The following ATP8B4 variants were observed in gnomAD, a reference collection of about 807,000 sequenced individuals.
ATP8B4 encodes the protein ATPase phospholipid transporting 8B4 (putative), also known as probable phospholipid-transporting ATPase IM.
ATP8B4 carries 133 observed loss-of-function variants against 145.6 expected under a neutral mutation model. The ratio of observed to expected loss-of-function variants is 0.91; its 90% CI spans 0.79 to 1.05. ATP8B4 has a LOEUF of 1.05. ATP8B4 is among the 50% of genes least tolerant of loss of function. The probability of loss-of-function intolerance (pLI) is 0.00; values close to 1 mark genes in which losing one functional copy is unlikely to be tolerated. For synonymous variants in ATP8B4, 507 were observed against 492.9 expected (o/e 1.03, Z -0.38); for missense variants, 1,458 against 1,425.2 (o/e 1.02, Z -0.37).
At chr15:50,101,801 C>T (rs1228732240) in intron 2 of ATP8B4, among the ~76,000 whole-genome samples, 2 of 152,114 alleles carry the variant, frequency 1.3e-5, no homozygotes, top group Non-Finnish European at 2.9e-5. Flanking sequence ...TTCTATTCAT[C>T]AGCACATGGA....
At position 49,924,723 on chromosome 15, in the gene ATP8B4, G is replaced by A. The variant is rs115324292; in HGVS notation, c.1643-1229C>T. 6.1e-3 allele frequency among the ~76,000 whole-genome samples: 929 copies of A among 152,228 alleles called. 11 individuals carry two copies. Among genetic ancestry groups the A allele is most frequent in the African/African-American group, 0.021 (891 of 41,530 alleles). On this transcript the variant is annotated intron_variant, in intron 16 of 27. Coordinates refer to ENST00000284509, the MANE Select transcript of ATP8B4 (RefSeq NM_024837.4). ...CTTTTTAGGACTGGGCCTTGTCTAGGTCTTGTCTTCTGTTTTAAGACCCTT... is the reference window on the plus strand; with the variant it reads ...CTTTTTAGGACTGGGCCTTGTCTAGATCTTGTCTTCTGTTTTAAGACCCTT...
At chr15:50,022,211 C>G (rs953839598) in intron 6 of ATP8B4, among the ~76,000 whole-genome samples, 1 of 152,064 alleles carries the variant, frequency 6.6e-6, no homozygotes, top group Non-Finnish European at 1.5e-5. Flanking sequence ...GACATTTTTA[C>G]TTTTCTGAGT....
At chr15:50,070,626 A>G (rs1337447099) in intron 3 of ATP8B4, among the ~76,000 whole-genome samples, 1 of 152,188 alleles carries the variant, frequency 6.6e-6, no homozygotes, top group Non-Finnish European at 1.5e-5. Flanking sequence ...AATCTGGGAT[A>G]TCTGTGCCCC....
chr15:49,878,212 G>A lies in ATP8B4; in HGVS notation c.2781+1164C>T, dbSNP rs1195385083. Among the ~76,000 whole-genome samples the A allele has an allele frequency of 2.6e-5, 4 of 152,126 alleles. No homozygotes were observed. The East Asian group carries it at 7.7e-4, about 29-fold the overall frequency. ...ATTCCACATTCTGGGCAGCTACAAA[G>A]CTCCAAGAAAAGAAACACTTGTAAA... On this transcript the variant is annotated intron_variant, in intron 24 of 27. Transcript: ENST00000284509.
intron 1 of ATP8B4, among the ~76,000 whole-genome samples, chr15:50,178,494 A>G (rs148529150): frequency 0.014 from 2,100 of 152,240 alleles, 13 homozygotes; most frequent in Non-Finnish European, 0.021. Context: ...TAATGTTTTT[A>G]TTTTTATCTG....
chr15:49,899,440 G>A lies in ATP8B4; in HGVS notation c.2290-1189C>T, dbSNP rs550832686. On this transcript the variant is annotated intron_variant, in intron 21 of 27. Coordinates refer to ENST00000284509, the MANE Select transcript of ATP8B4 (RefSeq NM_024837.4). ...CTCAGACTTTAGCACTGTGACCGGG[G>A]CACGCTTAATAAAAATGTCAATGGA... is the stretch of plus-strand genomic sequence containing the variant. 3.3e-5 allele frequency among the ~76,000 whole-genome samples: 5 copies of A among 152,170 alleles called. No individual in the cohort carries two copies. The South Asian group carries it at 8.3e-4, about 25-fold the overall frequency.
At chr15:50,018,613 G>A (rs2049286329) in intron 6 of ATP8B4, among the ~76,000 whole-genome samples, 1 of 152,186 alleles carries the variant, frequency 6.6e-6, no homozygotes, top group African/African-American at 2.4e-5. Context: ...CCATATAGCT[G>A]TCATCAAAAG....
intron 3 of ATP8B4, among the ~76,000 whole-genome samples, chr15:50,068,457 G>C (rs1600171909): frequency 6.6e-6 from 1 of 152,118 alleles, no homozygotes; most frequent in African/African-American, 2.4e-5. Flanking sequence ...ATAAACTACA[G>C]CATTAGAATC....
chr15:49,964,182 G>C (rs11070739), intron 13 of ATP8B4, among the ~76,000 whole-genome samples: 35,789 of 152,140 alleles, frequency 0.24, 4,625 homozygotes, highest in East Asian at 0.45. Flanking sequence ...TCTGAATCTG[G>C]AATGCTGTAT....
intron 1 of ATP8B4, among the ~76,000 whole-genome samples, chr15:50,126,224 T>C (rs1595626963): frequency 8.8e-6 from 1 of 113,334 alleles, no homozygotes; most frequent in Non-Finnish European, 1.7e-5. Flanking sequence ...TGTTAGTTCC[T>C]AACAAGCTAA....
intron 1 of ATP8B4, among the ~76,000 whole-genome samples, chr15:50,168,199 G>A (rs2044621224): frequency 6.6e-6 from 1 of 152,208 alleles, no homozygotes; most frequent in Non-Finnish European, 1.5e-5. Flanking sequence ...CATTGTGACT[G>A]GGAGCTCCCA....
At chr15:50,015,944 G>T (rs1204232041) in intron 6 of ATP8B4, among the ~76,000 whole-genome samples, 4 of 152,200 alleles carry the variant, frequency 2.6e-5, no homozygotes, top group African/African-American at 7.2e-5. Flanking sequence ...TTTTGCCAGG[G>T]AGGAGGGTGA....
intron 20 of ATP8B4, among the ~76,000 whole-genome samples, chr15:49,912,368 A>G (rs988521219): frequency 2.6e-4 from 39 of 152,138 alleles, no homozygotes; most frequent in African/African-American, 9.4e-4. Context: ...ACAGAAATAT[A>G]CAAGATCAAG....
rs1050496439 is a variant in ATP8B4 at position 50,008,795 on chromosome 15, G to A, written c.435+2050C>T. On this transcript the variant is annotated intron_variant, in intron 7 of 27. Coordinates refer to ENST00000284509, the MANE Select transcript of ATP8B4 (RefSeq NM_024837.4). ...ATGTGATAAATCAGCACACTATGGC[G>A]TTAGTAAACAAGTGAGTCCAGTCTG... is the stretch of plus-strand genomic sequence containing the variant. 3.3e-5 allele frequency among the ~76,000 whole-genome samples: 5 copies of A among 152,274 alleles called. No homozygotes were observed. The East Asian group carries it at 5.8e-4, about 18-fold the overall frequency.
intron 7 of ATP8B4, among the ~76,000 whole-genome samples, chr15:50,003,274 A>ATGTGTGTGTGTGTGTGTGTG (rs10539979): frequency 1.4e-5 from 2 of 141,088 alleles, no homozygotes; most frequent in African/African-American, 2.6e-5. Flanking sequence ...TAGGGTGTGC[A>ATGTGTGTGTGTGTGTGTGTG]TGTGTGTGTG....
Position 49,862,380 on chromosome 15 carries a change from C to T in ATP8B4, c.3167-5G>A. ...TCAGGGAATGTCGTGCATTACCTAT[C>T]AATCATTAAAGAAAATATACACTGT... On this transcript the variant is annotated splice_region_variant and splice_polypyrimidine_tract_variant and intron_variant, in intron 26 of 27. Transcript: ENST00000284509. 1 of 1,611,888 alleles carries T rather than the reference C, an allele frequency of 6.2e-7. No individual in the cohort carries two copies. The highest frequency in any genetic ancestry group is 8.5e-7 in the Non-Finnish European group (1 of 1,178,638).
chr15:50,093,873 A>G lies in ATP8B4; in HGVS notation c.28+13066T>C, dbSNP rs548793114. ...ATCAGATAAATTAAACTTTAATACA[A>G]TAAGCACTGCTAGAGATAGAGTCAT... On this transcript the variant is annotated intron_variant, in intron 2 of 27. Transcript: ENST00000284509. 1.3e-3 allele frequency among the ~76,000 whole-genome samples: 204 copies of G among 152,322 alleles called. 1 individual carries two copies. Among genetic ancestry groups the G allele is most frequent in the African/African-American group, 4.7e-3 (194 of 41,570 alleles).
rs373434156 is a variant in ATP8B4, at chr15:50,074,164, G to T, written c.50C>A (p.Ala17Asp). The change falls in exon 3 of 28, where the codon GCC becomes GAC. Residue 17 changes from alanine (A) to aspartate (D), a missense_variant. Ala to Asp is a moderately radical substitution (Grantham distance 126). Coordinates refer to ENST00000284509, the MANE Select transcript of ATP8B4 (RefSeq NM_024837.4). ...KLREVERIVK[A>D]NDREYNEKFQ... is the part of the protein sequence containing the mutation. ...CTTTTCATTATATTCACGGTCATTG[G>T]CTTTCACTATCCGTTCCACTTCTAA... is the stretch of plus-strand genomic sequence containing the variant. 1 of 1,612,552 alleles carries T rather than the reference G, an allele frequency of 6.2e-7. No individual in the cohort carries two copies. The highest frequency in any genetic ancestry group is 8.5e-7 in the Non-Finnish European group (1 of 1,179,152).
At chr15:50,095,612 C>T (rs979866698) in intron 2 of ATP8B4, among the ~76,000 whole-genome samples, 1 of 151,924 alleles carries the variant, frequency 6.6e-6, no homozygotes, top group African/African-American at 2.4e-5. Context: ...AAAAAACTAG[C>T]CAGGTGTGGT....
Sources: allele counts gnomAD v4.1 joint callset (sites outside exome capture counted in the v4.1 genomes callset), GRCh38; gene constraint gnomAD v4.1.1; transcripts MANE v1.5; gene names NCBI Gene and HGNC (gene_info 2026-07-23, HGNC 2026-07-21).